ZNF845: variants seen among roughly 807,000 people sequenced by gnomAD.
ZNF845 encodes zinc finger protein 845.
In ZNF845, 59 loss-of-function variants were observed where a neutral mutation model predicts 76.1. The observed-to-expected ratio is 0.78, with a 90% CI of 0.63 to 0.96. The LOEUF is 0.96. ZNF845 is among the 40% of genes least tolerant of loss of function. The pLI is 0.00. For synonymous variants in ZNF845, 361 were observed against 386.9 expected (o/e 0.93, Z 0.78); for missense variants, 1,045 against 1,172.8 (o/e 0.89, Z 1.59).
chr19:53,353,122 C>T lies in ZNF845; in HGVS notation c.2447C>T (p.Ser816Leu). ...TGTGGCAAGAACTTCCGTCACAATT[C>T]AGCCCTTGTAATTCATAAGGCAATT... is the stretch of plus-strand genomic sequence containing the variant. ...NECGKNFRHN[S>L]ALVIHKAIHS... Residue 816 changes from serine to leucine, a missense_variant, in exon 4 of 4, where the codon TCA becomes TTA. By Grantham distance (145) the Ser-to-Leu change is moderately radical (BLOSUM62 -2). Transcript: ENST00000458035. The T allele has an allele frequency of 1.3e-6, 2 of 1,598,918 alleles. No individual in the cohort carries two copies. The highest frequency in any genetic ancestry group is 8.6e-7 in the Non-Finnish European group (1 of 1,167,048).
At position 53,355,523 on chromosome 19, in the gene ZNF845, C is replaced by T. The variant is rs1442071094; in HGVS notation, c.*1935C>T. ...AACTTGAAAGAATATGTTAGATCGC[C>T]TAACCTCATTATCCGCCCACTTCGG... On this transcript the variant is annotated 3_prime_UTR_variant, in exon 4 of 4. Coordinates refer to ENST00000458035, the MANE Select transcript of ZNF845 (RefSeq NM_138374.3). The T allele has an allele frequency of 6.6e-6, 1 of 152,022 alleles. No homozygotes were observed. The highest frequency in any genetic ancestry group is 1.5e-5 in the Non-Finnish European group (1 of 68,006). The allele number at this position is 152,022 out of a possible 1,614,324, so 9.4% of individuals were successfully genotyped here.
intron 3 of ZNF845, among the ~76,000 whole-genome samples, chr19:53,346,732 T>G (rs1320824066): frequency 6.6e-6 from 1 of 152,186 alleles, no homozygotes; most frequent in African/African-American, 2.4e-5. Flanking sequence ...ACTAGAACTC[T>G]TTGTTCTTTA....
At chr19:53,340,007 C>T (rs2085244935) in intron 1 of ZNF845, among the ~76,000 whole-genome samples, 1 of 151,906 alleles carries the variant, frequency 6.6e-6, no homozygotes, top group South Asian at 2.1e-4. Flanking sequence ...GTCAGCCTCC[C>T]AAGTAGCTGG....
Position 53,351,483 on chromosome 19 carries a change from C to G in ZNF845, c.808C>G (p.Pro270Ala). 1 of 1,614,190 alleles carries G rather than the reference C, an allele frequency of 6.2e-7. No homozygotes were observed. The highest frequency in any genetic ancestry group is 8.5e-7 in the Non-Finnish European group (1 of 1,180,032). ...CHRRCHTGKK[P>A]YKCNDCGKTF... ...TCGTAGATGTCACACTGGCAAGAAA[C>G]CTTACAAGTGTAATGATTGTGGCAA... The change falls in exon 4 of 4, where the codon CCT becomes GCT. Residue 270 changes from proline to alanine, a missense_variant. By Grantham distance (27) the Pro-to-Ala change is conservative. Transcript: ENST00000458035.
chr19:53,342,799 C>A (rs1025697637), intron 2 of ZNF845, among the ~76,000 whole-genome samples: 1 of 152,060 alleles, frequency 6.6e-6, no homozygotes, highest in East Asian at 1.9e-4. Flanking sequence ...TATTAATCCC[C>A]GTATCCAATA....
At chr19:53,339,234 G>T (rs1267216892) in intron 1 of ZNF845, among the ~76,000 whole-genome samples, 1 of 152,174 alleles carries the variant, frequency 6.6e-6, no homozygotes, top group Non-Finnish European at 1.5e-5. Context: ...AGGAACTGGA[G>T]GAAGGAAAAG....
intron 1 of ZNF845, among the ~76,000 whole-genome samples, chr19:53,336,028 A>T (rs1372841269): frequency 1.3e-5 from 2 of 151,620 alleles, no homozygotes; most frequent in Non-Finnish European, 2.9e-5. Flanking sequence ...CGTGACCAAC[A>T]TGGTGAAATC....
chr19:53,341,089 G>A (rs573096724), intron 1 of ZNF845, 146 bp from the exon 2 acceptor site: 180 of 774,190 alleles, frequency 2.3e-4, no homozygotes, highest in Non-Finnish European at 3.4e-4. Context: ...ACCTTCCACT[G>A]CCTGTAGGAG....
intron 1 of ZNF845, among the ~76,000 whole-genome samples, chr19:53,335,309 G>A (rs551288889): frequency 1.3e-5 from 2 of 152,278 alleles, no homozygotes; most frequent in African/African-American, 4.8e-5. Flanking sequence ...CGCCCAGGCT[G>A]GGGTGCAGTG....
At chr19:53,334,058 G>A (rs568861571) in intron 1 of ZNF845, among the ~76,000 whole-genome samples, 1 of 152,280 alleles carries the variant, frequency 6.6e-6, no homozygotes, top group East Asian at 1.9e-4. Flanking sequence ...ACCTTTTTCT[G>A]ACTCCTCCCG....
At chr19:53,348,260 T>C (rs1481345054) in intron 3 of ZNF845, among the ~76,000 whole-genome samples, 3 of 152,064 alleles carry the variant, frequency 2.0e-5, no homozygotes, top group Non-Finnish European at 4.4e-5. Context: ...AGAGCGTGAC[T>C]CAATCTCAAA....
At chr19:53,338,714 ACACAC>A (rs759189195) in intron 1 of ZNF845, among the ~76,000 whole-genome samples, 1 of 101,386 alleles carries the variant, frequency 9.9e-6, no homozygotes, top group Non-Finnish European at 2.2e-5. Context: ...ACACACACAC[ACACAC>A]ACGCACACAC....
intron 1 of ZNF845, among the ~76,000 whole-genome samples, chr19:53,339,351 C>T (rs989725749): frequency 6.6e-6 from 1 of 152,156 alleles, no homozygotes; most frequent in African/African-American, 2.4e-5. Context: ...CCGTCACCCA[C>T]CCTATGCACA....
chr19:53,341,454 T>G, intron 2 of ZNF845, 132 bp downstream of exon 2: 2 of 1,346,720 alleles, frequency 1.5e-6, no homozygotes, highest in Non-Finnish European at 2.1e-6. Flanking sequence ...ATGCCTTCCC[T>G]CAGTCCCTCT....
intron 2 of ZNF845, among the ~76,000 whole-genome samples, chr19:53,343,142 C>T (rs1300436218): frequency 6.6e-6 from 1 of 152,032 alleles, no homozygotes; most frequent in African/African-American, 2.4e-5. Flanking sequence ...TTCTTCTAGT[C>T]CTCTCCTTCC....
chr19:53,353,383 C>A lies in ZNF845; in HGVS notation c.2708C>A (p.Ala903Glu). Residue 903 changes from alanine to glutamate, a missense_variant, in exon 4 of 4, where the codon GCA (alanine) becomes GAA (glutamate). Coordinates refer to ENST00000458035, the MANE Select transcript of ZNF845 (RefSeq NM_138374.3). ...GKVFNQQAHL[A>E]CHHRIHTGEK... ...GTTTTTAATCAACAAGCACACCTTG[C>A]ATGTCATCATAGAATTCATACTGGA... 1.9e-6 allele frequency: 3 copies of A among 1,611,354 alleles called. No individual in the cohort carries two copies. The highest frequency in any genetic ancestry group is 2.5e-6 in the Non-Finnish European group (3 of 1,179,384).
At chr19:53,341,901 A>G (rs974355733) in intron 2 of ZNF845, among the ~76,000 whole-genome samples, 11 of 152,176 alleles carry the variant, frequency 7.2e-5, no homozygotes, top group Admixed American at 1.3e-4. Context: ...AGAATAGGAA[A>G]TCAACCTGAA....
Position 53,352,634 on chromosome 19 carries a change from T to C in ZNF845, c.1959T>C (p.His653=), listed in dbSNP as rs752222983. The change falls in exon 4 of 4, where the codon CAT becomes CAC. Residue 653 remains histidine, a synonymous_variant. Coordinates refer to ENST00000458035, the MANE Select transcript of ZNF845 (RefSeq NM_138374.3). The part of the protein sequence containing the change: ...AFSFKSNLQR[H]RRIHTGEKPY... Reference sequence around the variant, plus strand: ...GTTTCAAATCAAACCTTCAAAGACATAGGAGAATTCATACTGGAGAGAAAC... The same window carrying C: ...GTTTCAAATCAAACCTTCAAAGACACAGGAGAATTCATACTGGAGAGAAAC... The C allele has an allele frequency of 3.1e-6, 5 of 1,613,414 alleles. No individual in the cohort carries two copies. The highest frequency in any genetic ancestry group is 3.4e-6 in the Non-Finnish European group (4 of 1,179,830).
chr19:53,346,720 C>T (rs890150676), intron 3 of ZNF845, among the ~76,000 whole-genome samples: 1 of 152,146 alleles, frequency 6.6e-6, no homozygotes, highest in African/African-American at 2.4e-5. Context: ...TATTCTTTCT[C>T]CACTAGAACT....
Sources: allele counts gnomAD v4.1 joint callset (sites outside exome capture counted in the v4.1 genomes callset), GRCh38; gene constraint gnomAD v4.1.1; transcripts MANE v1.5; gene names NCBI Gene and HGNC (gene_info 2026-07-23, HGNC 2026-07-21).